Variants in MEGF9 observed in about 807,000 individuals in gnomAD.
MEGF9 encodes multiple EGF like domains 9, also known as multiple epidermal growth factor-like domains protein 9.
A neutral mutation model predicts 46.8 loss-of-function variants in MEGF9; 6 were observed. The observed-to-expected ratio is 0.13, with a 90% CI of 0.07 to 0.25. The LOEUF (loss-of-function observed/expected upper bound fraction) is 0.25. MEGF9 is among the 10% of genes least tolerant of loss of function. MEGF9 has a pLI of 1.00. For synonymous variants in MEGF9, 302 were observed against 330.7 expected (o/e 0.91, Z 0.94); for missense variants, 683 against 792.4 (o/e 0.86, Z 1.66).
chr9:120,621,565 T>C (rs749618756), intron 3 of MEGF9, among the ~76,000 whole-genome samples: 1 of 152,214 alleles, frequency 6.6e-6, no homozygotes, highest in African/African-American at 2.4e-5. Context: ...ACCTATTTTG[T>C]CTGATTTTCC....
intron 1 of MEGF9, among the ~76,000 whole-genome samples, chr9:120,700,640 C>G (rs13289165): frequency 6.6e-6 from 1 of 152,106 alleles, no homozygotes; most frequent in South Asian, 2.1e-4. Context: ...CCTTCCCCCC[C>G]CGTTATTTCC....
At chr9:120,672,475 G>T (rs1345136075) in intron 1 of MEGF9, among the ~76,000 whole-genome samples, 1 of 140,548 alleles carries the variant, frequency 7.1e-6, no homozygotes, top group Non-Finnish European at 1.5e-5. Context: ...TAAATAAAAA[G>T]CCAGGAATGG....
At chr9:120,652,201 A>AC (rs2043655355) in intron 2 of MEGF9, among the ~76,000 whole-genome samples, 1 of 144,360 alleles carries the variant, frequency 6.9e-6, no homozygotes, top group African/African-American at 2.6e-5. Context: ...AAAAAAAAAA[A>AC]CAGGTCAGGC....
intron 1 of MEGF9, chr9:120,691,517 G>A (rs770818553): frequency 5.8e-6 from 2 of 347,122 alleles, no homozygotes; most frequent in Non-Finnish European, 1.2e-5. Flanking sequence ...CTAGGCAAAA[G>A]CTCTTCACCA....
At chr9:120,647,971 C>G (rs1369706785) in intron 2 of MEGF9, among the ~76,000 whole-genome samples, 1 of 152,128 alleles carries the variant, frequency 6.6e-6, no homozygotes, top group Non-Finnish European at 1.5e-5. Context: ...CCATTTAGTA[C>G]TGTATATTTT....
At chr9:120,705,739 A>G (rs1005027420) in intron 1 of MEGF9, among the ~76,000 whole-genome samples, 1 of 152,196 alleles carries the variant, frequency 6.6e-6, no homozygotes, top group Admixed American at 6.5e-5. Context: ...CATAATCTTT[A>G]TCTTCTTCAT....
intron 2 of MEGF9, among the ~76,000 whole-genome samples, chr9:120,637,679 C>A (rs1298952696): frequency 6.8e-6 from 1 of 147,274 alleles, no homozygotes; most frequent in African/African-American, 2.5e-5. Flanking sequence ...GTAATCCCAG[C>A]TACTCAGGAG....
In MEGF9 at chr9:120,603,710, T is replaced by C. The variant is rs2043407452; in HGVS notation, c.*1480A>G. On this transcript the variant is annotated 3_prime_UTR_variant, in exon 6 of 6. Transcript: ENST00000373930. ...TCATAATAAACGAGAGCAACAGTAGTTGGCCTCTAGGAAAAAACTCCATCA... is the reference window on the plus strand; with the variant it reads ...TCATAATAAACGAGAGCAACAGTAGCTGGCCTCTAGGAAAAAACTCCATCA... The C allele has an allele frequency of 6.6e-6, 1 of 152,284 alleles. No individual in the cohort carries two copies. Among genetic ancestry groups the C allele is most frequent in the Non-Finnish European group, 1.5e-5 (1 of 68,048 alleles). 9.4% of individuals were successfully genotyped at this position (152,284 alleles called of 1,614,324 possible). A position where few individuals can be genotyped will look rare whatever the true frequency, so the allele number is the denominator to read the frequency against.
At chr9:120,635,069 G>A (rs1418520415) in intron 2 of MEGF9, among the ~76,000 whole-genome samples, 1 of 152,110 alleles carries the variant, frequency 6.6e-6, no homozygotes, top group Non-Finnish European at 1.5e-5. Flanking sequence ...TATTTCTGAA[G>A]GATAGCTTTT....
intron 1 of MEGF9, among the ~76,000 whole-genome samples, chr9:120,663,491 AGAAG>A (rs1480893517): frequency 6.6e-6 from 1 of 152,224 alleles, no homozygotes; most frequent in African/African-American, 2.4e-5. Flanking sequence ...AATATGAAAA[AGAAG>A]GAAGGAAGTT....
At chr9:120,633,326 T>C (rs1047305182) in intron 2 of MEGF9, among the ~76,000 whole-genome samples, 1 of 152,162 alleles carries the variant, frequency 6.6e-6, no homozygotes, top group Non-Finnish European at 1.5e-5. Context: ...GTAGCTTGCA[T>C]GTTTCCATAC....
intron 3 of MEGF9, among the ~76,000 whole-genome samples, chr9:120,619,455 T>C (rs1352258877): frequency 2.6e-5 from 4 of 152,234 alleles, no homozygotes; most frequent in African/African-American, 7.2e-5. Context: ...TACAAGTGTA[T>C]TGCATTTAAT....
At chr9:120,640,848 A>ACC (rs1263037173) in intron 2 of MEGF9, among the ~76,000 whole-genome samples, 2 of 142,668 alleles carry the variant, frequency 1.4e-5, no homozygotes, top group Non-Finnish European at 3.0e-5. Context: ...TCAACCCTTT[A>ACC]CCCCCCGCCC....
chr9:120,708,807 A>G (rs1444980394), intron 1 of MEGF9, among the ~76,000 whole-genome samples: 1 of 152,188 alleles, frequency 6.6e-6, no homozygotes, highest in East Asian at 1.9e-4. Context: ...AACACAATCA[A>G]TCTTATAAAT....
chr9:120,689,486 A>G (rs900147522), intron 1 of MEGF9, among the ~76,000 whole-genome samples: 4 of 152,166 alleles, frequency 2.6e-5, no homozygotes, highest in African/African-American at 9.7e-5. Flanking sequence ...TTCTGGCTAC[A>G]GTGTGAAAAT....
Position 120,704,024 on chromosome 9 carries a change from A to G in MEGF9, c.601+9734T>C, listed in dbSNP as rs181612724. On this transcript the variant is annotated intron_variant, in intron 1 of 5. Transcript: ENST00000373930. ...GATTCTTACACTAGGAAAGAAGTAA[A>G]TATTTCAATACGAAGAAATGAAATT... 2.3e-3 allele frequency among the ~76,000 whole-genome samples: 354 copies of G among 151,942 alleles called. 2 individuals carry two copies. The highest frequency in any genetic ancestry group is 8.3e-3 in the African/African-American group (343 of 41,446).
At chr9:120,611,872 A>G (rs1170416439) in intron 4 of MEGF9, among the ~76,000 whole-genome samples, 3 of 144,192 alleles carry the variant, frequency 2.1e-5, no homozygotes, top group African/African-American at 8.6e-5. Flanking sequence ...AGAAAGAGAG[A>G]GAGAGAGAGA....
chr9:120,610,893 A>G lies in MEGF9; in HGVS notation c.1087+1503T>C, dbSNP rs543560357. Among the ~76,000 whole-genome samples the G allele has an allele frequency of 3.9e-5, 6 of 152,328 alleles. No homozygotes were observed. The East Asian group carries it at 1.2e-3, about 29-fold the overall frequency. ...TAAGGGACTTGTATCTAGAATATAT[A>G]AAGAATTATTTCAACTCAATGATAA... On this transcript the variant is annotated intron_variant, in intron 4 of 5. Coordinates refer to ENST00000373930, the MANE Select transcript of MEGF9 (RefSeq NM_001080497.3).
Position 120,714,228 on chromosome 9 carries a change from C to T in MEGF9, c.131G>A (p.Gly44Asp). The change falls in exon 1 of 6, where the codon GGC becomes GAC. Residue 44 changes from glycine to aspartate, a missense_variant. Around this residue, in one of 2 missense-constraint regions of MEGF9, gnomAD observed 370 missense variants for 371.3 expected, o/e 1.00. Coordinates refer to ENST00000373930, the MANE Select transcript of MEGF9 (RefSeq NM_001080497.3). ...SAASAGNVTGGGGAAGQVDAS... is the reference protein window; with the variant it reads ...SAASAGNVTGDGGAAGQVDAS... ...GTCCACCTGCCCCGCGGCCCCGCCG[C>T]CACCGGTGACATTCCCCGCCGAGGC... is the stretch of plus-strand genomic sequence containing the variant. The T allele has an allele frequency of 8.1e-7, 1 of 1,236,784 alleles. No individual in the cohort carries two copies. The allele number at this position is 1,236,784 out of a possible 1,614,324, so 76.6% of individuals were successfully genotyped here. A position where few individuals can be genotyped will look rare whatever the true frequency, so the allele number is the denominator to read the frequency against.
Sources: allele counts gnomAD v4.1 joint callset (sites outside exome capture counted in the v4.1 genomes callset), GRCh38; gene constraint gnomAD v4.1.1; regional missense constraint gnomAD v4.1.1; transcripts MANE v1.5; gene names NCBI Gene and HGNC (gene_info 2026-07-23, HGNC 2026-07-21).